Variants in FERRY3 observed in about 807,000 individuals in gnomAD.
FERRY3 encodes the protein FERRY endosomal RAB5 effector complex subunit 3.
the FERRY3 span, among the ~76,000 whole-genome samples, chr12:4,510,921 T>A: frequency 1.3e-5 from 2 of 152,012 alleles, no homozygotes; most frequent in Non-Finnish European, 2.9e-5. Context: ...GACTAAATTC[T>A]CCAATTAAAA....
chr12:4,510,791 AT>A, the FERRY3 span, among the ~76,000 whole-genome samples: 15 of 147,776 alleles, frequency 1.0e-4, no homozygotes, highest in Non-Finnish European at 2.0e-4. Context: ...CTGCAAAATC[AT>A]GCCAAAATGT....
At chr12:4,525,879 A>G in the FERRY3 span, among the ~76,000 whole-genome samples, 13,413 of 152,208 alleles carry the variant, frequency 0.088, 699 homozygotes, top group Non-Finnish European at 0.12. Flanking sequence ...TACCATGGCT[A>G]ATGTTAAAAA....
At chr12:4,500,155 C>A in the FERRY3 span, 1 of 1,613,482 alleles carries the variant, frequency 6.2e-7, no homozygotes, top group African/African-American at 1.3e-5. Flanking sequence ...ATATCATGTA[C>A]CAGCAAGAGA....
chr12:4,497,955 T>A, the FERRY3 span, among the ~76,000 whole-genome samples: 3 of 152,186 alleles, frequency 2.0e-5, no homozygotes, highest in Non-Finnish European at 1.5e-5. Context: ...TACCTCTATA[T>A]CCTGTGTAGT....
the FERRY3 span, chr12:4,489,213 T>C: frequency 2.6e-5 from 4 of 152,546 alleles, no homozygotes; most frequent in Non-Finnish European, 5.9e-5. Flanking sequence ...AGGGAAAAAA[T>C]CCAAAACGTC....
chr12:4,538,011 C>G, the FERRY3 span, among the ~76,000 whole-genome samples: 1 of 151,780 alleles, frequency 6.6e-6, no homozygotes, highest in African/African-American at 2.4e-5. Flanking sequence ...AAAGAATCAA[C>G]CACTGATAAA....
the FERRY3 span, among the ~76,000 whole-genome samples, chr12:4,520,619 G>A: frequency 6.6e-6 from 1 of 152,142 alleles, no homozygotes; most frequent in Non-Finnish European, 1.5e-5. Flanking sequence ...TGACAGACAC[G>A]AAACCAAGCT....
the FERRY3 span, among the ~76,000 whole-genome samples, chr12:4,516,871 G>A: frequency 1.3e-5 from 2 of 151,238 alleles, no homozygotes; most frequent in South Asian, 2.1e-4. Context: ...AAAGTTGAAG[G>A]AAAAAAAACC....
At chr12:4,523,968 T>TAA in the FERRY3 span, among the ~76,000 whole-genome samples, 2 of 150,598 alleles carry the variant, frequency 1.3e-5, no homozygotes, top group African/African-American at 4.9e-5. Context: ...TAAAAAAATT[T>TAA]AAAAAAAAAG....
the FERRY3 span, chr12:4,536,017 C>T: frequency 2.0e-6 from 3 of 1,534,706 alleles, no homozygotes; most frequent in Non-Finnish European, 1.7e-6. Context: ...CAGTCCTCAC[C>T]TTTTTCTATA....
At chr12:4,503,370 G>A in the FERRY3 span, among the ~76,000 whole-genome samples, 2 of 152,182 alleles carry the variant, frequency 1.3e-5, no homozygotes, top group African/African-American at 4.8e-5. Flanking sequence ...CTTAGTGTAT[G>A]AGATGGGAAA....
chr12:4,500,428 T>C, the FERRY3 span: 1 of 1,179,912 alleles, frequency 8.5e-7, no homozygotes, highest in Non-Finnish European at 1.2e-6. Context: ...TAATGGGCAA[T>C]CAATGTGTTG....
At chr12:4,517,342 T>C in the FERRY3 span, among the ~76,000 whole-genome samples, 1 of 152,166 alleles carries the variant, frequency 6.6e-6, no homozygotes, top group South Asian at 2.1e-4. Context: ...TGCCTTAAGT[T>C]AGGGCACAGC....
chr12:4,500,401 G>T, the FERRY3 span: 1 of 1,431,706 alleles, frequency 7.0e-7, no homozygotes, highest in Non-Finnish European at 9.8e-7. Context: ...TTCATCAATG[G>T]GCTTTATAAG....
At chr12:4,496,664 C>T in the FERRY3 span, among the ~76,000 whole-genome samples, 1 of 152,168 alleles carries the variant, frequency 6.6e-6, no homozygotes, top group Non-Finnish European at 1.5e-5. Flanking sequence ...CTATCTAAAG[C>T]TCACTGTTAC....
chr12:4,536,097 T>C, the FERRY3 span: 1 of 1,611,122 alleles, frequency 6.2e-7, no homozygotes, highest in East Asian at 2.2e-5. Flanking sequence ...AACAGGAAAT[T>C]TGAGTGGCAC....
chr12:4,520,331 G>A, the FERRY3 span, among the ~76,000 whole-genome samples: 1 of 152,210 alleles, frequency 6.6e-6, no homozygotes, highest in Admixed American at 6.5e-5. Context: ...CAAACCGGGA[G>A]TGGACAAAGA....
chr12:4,496,423 A>C, the FERRY3 span, among the ~76,000 whole-genome samples: 1 of 152,206 alleles, frequency 6.6e-6, no homozygotes, highest in East Asian at 1.9e-4. Flanking sequence ...GTTTTTGATC[A>C]TAAGTTCTAA....
chr12:4,498,828 C>G, the FERRY3 span, among the ~76,000 whole-genome samples: 1 of 152,192 alleles, frequency 6.6e-6, no homozygotes, highest in African/African-American at 2.4e-5. Flanking sequence ...AGCACGCAAC[C>G]TAGCTCCCTC....
Sources: gnomAD v4.1 joint callset for allele counts (sites outside exome capture counted in the v4.1 genomes callset) on GRCh38, gnomAD v4.1.1 for gene constraint, MANE v1.5 for transcripts, NCBI Gene and HGNC (gene_info 2026-07-23, HGNC 2026-07-21) for gene names.